The following FAM3B variants were observed in gnomAD, a reference collection of about 807,000 sequenced individuals.
The protein encoded by FAM3B is protein FAM3B.
Under a neutral mutation model 28.4 loss-of-function variants are expected in FAM3B, and 29 were observed. That is an observed-to-expected ratio of 1.02 (90% confidence interval 0.76 to 1.39). The LOEUF is 1.39. FAM3B is among the 40% of genes most tolerant of loss of function. The pLI is 0.00. For missense variants in FAM3B, 266 were observed against 293.9 expected (o/e 0.91, Z 0.69); for synonymous variants, 91 against 103.0 (o/e 0.88, Z 0.71).
intron 2 of FAM3B, among the ~76,000 whole-genome samples, chr21:41,333,710 G>T (rs1268343864): frequency 6.6e-6 from 1 of 152,198 alleles, no homozygotes; most frequent in Non-Finnish European, 1.5e-5. Flanking sequence ...GTGGAGCATT[G>T]CTATAAAGAT....
At chr21:41,334,384 A>G (rs427369) in intron 2 of FAM3B, among the ~76,000 whole-genome samples, 12,206 of 152,224 alleles carry the variant, frequency 0.08, 729 homozygotes, top group African/African-American at 0.16. Flanking sequence ...GAATGGTTTC[A>G]TGGGTCAGCC....
At chr21:41,323,158 C>T in intron 2 of FAM3B, 92 bp downstream of exon 2, 1 of 1,520,416 alleles carries the variant, frequency 6.6e-7, no homozygotes, top group South Asian at 1.2e-5. Context: ...GGCTGGGGGG[C>T]CCTGACGGCT....
chr21:41,311,622 AT>A (rs1157175536), intron 1 of FAM3B, among the ~76,000 whole-genome samples: 6 of 152,236 alleles, frequency 3.9e-5, no homozygotes, highest in Middle Eastern at 3.4e-3. Flanking sequence ...ATTGTCTTAC[AT>A]TTTTGCAAAT....
intron 3 of FAM3B, among the ~76,000 whole-genome samples, chr21:41,341,166 G>T (rs1017495787): frequency 3.3e-5 from 5 of 152,190 alleles, no homozygotes; most frequent in African/African-American, 1.2e-4. Context: ...CTCCATATCA[G>T]TACATCAGGC....
upstream of FAM3B, among the ~76,000 whole-genome samples, chr21:41,314,692 T>C (rs912113914): frequency 7.2e-5 from 11 of 151,910 alleles, no homozygotes; most frequent in African/African-American, 2.4e-4. Context: ...TCAACACTAC[T>C]AGCAATTAGG....
intron 2 of FAM3B, among the ~76,000 whole-genome samples, chr21:41,329,750 A>G (rs917538919): frequency 6.6e-6 from 1 of 151,994 alleles, no homozygotes; most frequent in Non-Finnish European, 1.5e-5. Flanking sequence ...TTGTATTTTT[A>G]GCAGAGACGG....
At chr21:41,323,168 T>C (rs1601352556) in intron 2 of FAM3B, 102 bp downstream of exon 2, 2 of 1,480,460 alleles carry the variant, frequency 1.4e-6, no homozygotes, top group East Asian at 2.3e-5. Flanking sequence ...CCCTGACGGC[T>C]TTATATCAGG....
Position 41,347,090 on chromosome 21 carries a change from G to A in FAM3B, c.475G>A (p.Gly159Arg), listed in dbSNP as rs768234423. The A allele has an allele frequency of 2.1e-5, 34 of 1,613,994 alleles. No homozygotes were observed. The highest frequency in any genetic ancestry group is 4.0e-5 in the African/African-American group (3 of 74,910). ...SLLFMVTYDD[G>R]STRLNNDAKN... The stretch of plus-strand genomic sequence containing the variant: ...GCTCTTCATGGTGACCTATGACGAC[G>A]GAAGCACAAGGTGAGTGGGTGTAGG... Residue 159 changes from glycine to arginine, a missense_variant, in exon 6 of 8, where the codon GGA (glycine) becomes AGA (arginine). Gly to Arg is a moderately radical substitution (Grantham distance 125, BLOSUM62 -2). Transcript: ENST00000357985.
chr21:41,313,417 C>T (rs1269590840), upstream of FAM3B, among the ~76,000 whole-genome samples: 1 of 152,266 alleles, frequency 6.6e-6, no homozygotes, highest in Non-Finnish European at 1.5e-5. Flanking sequence ...TGACTTCTGT[C>T]ACCACAGATG....
At chr21:41,314,773 AAAG>A (rs1434892286), upstream of FAM3B, among the ~76,000 whole-genome samples, 3 of 150,702 alleles carry the variant, frequency 2.0e-5, no homozygotes, top group Non-Finnish European at 4.4e-5. Context: ...AAAAAAAAAA[AAAG>A]AGAGAGATAA....
intron 1 of FAM3B, among the ~76,000 whole-genome samples, chr21:41,308,764 C>T (rs1472050255): frequency 6.6e-6 from 1 of 152,056 alleles, no homozygotes; most frequent in African/African-American, 2.4e-5. Flanking sequence ...GTCTCGAACT[C>T]CTGACCTTAG....
chr21:41,322,046 C>A (rs1321242626), intron 1 of FAM3B, among the ~76,000 whole-genome samples: 2 of 152,168 alleles, frequency 1.3e-5, no homozygotes, highest in Non-Finnish European at 2.9e-5. Context: ...ACCCCAGTAC[C>A]CATCCTACTC....
intron 1 of FAM3B, chr21:41,322,693 C>T: frequency 1.4e-6 from 1 of 726,266 alleles, no homozygotes; most frequent in Non-Finnish European, 2.5e-6. Flanking sequence ...ACAGCAAATA[C>T]AACTTGCCCT....
At chr21:41,323,185 G>A in intron 2 of FAM3B, 119 bp downstream of exon 2, 1 of 1,369,556 alleles carries the variant, frequency 7.3e-7, no homozygotes, top group Non-Finnish European at 1.0e-6. Context: ...CAGGAAGGAG[G>A]AGGAGAGAAG....
intron 1 of FAM3B, among the ~76,000 whole-genome samples, chr21:41,309,766 G>A (rs1253596010): frequency 6.6e-6 from 1 of 152,218 alleles, no homozygotes; most frequent in African/African-American, 2.4e-5. Context: ...CTGAATATTT[G>A]ATGGCTGTCC....
chr21:41,337,682 C>G lies in FAM3B; in HGVS notation c.164-696C>G, dbSNP rs577352441. Among the ~76,000 whole-genome samples, 9 of 150,810 alleles carry G rather than the reference C, an allele frequency of 6.0e-5. No homozygotes were observed. In the South Asian group the frequency reaches 1.9e-3, roughly 32 times the overall value. ...GGATGTGTGTGGGAGTGGTGTGGTG[C>G]GTGTGTGTACATGTATGGTGTGTGT... On this transcript the variant is annotated intron_variant, in intron 2 of 7. Coordinates refer to ENST00000357985, the MANE Select transcript of FAM3B (RefSeq NM_058186.4).
chr21:41,347,157 G>T (rs1470690145), intron 6 of FAM3B, 57 bp downstream of exon 6: 2 of 1,458,190 alleles, frequency 1.4e-6, no homozygotes, highest in African/African-American at 1.4e-5. Flanking sequence ...TGGGGCAGAG[G>T]CTGCCAGGGT....
chr21:41,316,816 G>C lies in FAM3B; in HGVS notation c.-64G>C. ...CGCCCCTTGCCTTCCTGACCCAGGG[G>C]CTCCGCTGGCTGCGGTCGCCTGGGA... On this transcript the variant is annotated 5_prime_UTR_variant, in exon 1 of 8. Transcript: ENST00000357985. 1 of 1,415,908 alleles carries C rather than the reference G, an allele frequency of 7.1e-7. No individual in the cohort carries two copies. Among genetic ancestry groups the C allele is most frequent in the Non-Finnish European group, 9.2e-7 (1 of 1,086,880 alleles). The allele number at this position is 1,415,908 out of a possible 1,614,324, so 87.7% of individuals were successfully genotyped here.
intron 1 of FAM3B, among the ~76,000 whole-genome samples, chr21:41,310,173 T>C (rs1171023104): frequency 6.6e-6 from 1 of 152,136 alleles, no homozygotes; most frequent in African/African-American, 2.4e-5. Context: ...AAGCCTGCGG[T>C]CTCTCCACTG....
Sources: gnomAD v4.1 joint callset for allele counts (sites outside exome capture counted in the v4.1 genomes callset) on GRCh38, gnomAD v4.1.1 for gene constraint, MANE v1.5 for transcripts, NCBI Gene and HGNC (gene_info 2026-07-23, HGNC 2026-07-21) for gene names.